EMC10: variants seen among roughly 807,000 people sequenced by gnomAD.
EMC10 encodes UPF0510 protein INM02.
Under a neutral mutation model 32.2 loss-of-function variants are expected in EMC10, and 40 were observed. The observed-to-expected ratio is 1.24, with a 90% CI of 0.96 to 1.61. The LOEUF (loss-of-function observed/expected upper bound fraction) is 1.61. Ranked by LOEUF, EMC10 falls within the 40% of genes most tolerant of loss-of-function variation. The probability of loss-of-function intolerance (pLI) is 0.00; values close to 1 mark genes in which losing one functional copy is unlikely to be tolerated. For missense variants in EMC10, 402 were observed against 357.7 expected (o/e 1.12, Z -1.00); for synonymous variants, 178 against 158.4 (o/e 1.12, Z -0.93).
At chr19:50,477,786 G>A (rs1033927718) in intron 1 of EMC10, 143 bp from the exon 2 acceptor site, 7 of 581,654 alleles carry the variant, frequency 1.2e-5, no homozygotes, top group East Asian at 3.3e-5. Flanking sequence ...GGTTTCTAGT[G>A]AAATAAAGGC....
chr19:50,477,840 C>T, intron 1 of EMC10, 89 bp from the exon 2 acceptor site: 1 of 996,840 alleles, frequency 1.0e-6, no homozygotes, highest in Non-Finnish European at 1.5e-6. Context: ...TCCCTCAGCC[C>T]ACCAGTCTGT....
At chr19:50,478,269 C>T (rs1420997216) in intron 2 of EMC10, among the ~76,000 whole-genome samples, 5 of 152,210 alleles carry the variant, frequency 3.3e-5, no homozygotes, top group Non-Finnish European at 7.3e-5. Flanking sequence ...ACGTGCCCAG[C>T]ATTAGCGGTT....
At chr19:50,478,895 C>A in intron 2 of EMC10, 62 bp from the exon 3 acceptor site, 2 of 1,350,216 alleles carry the variant, frequency 1.5e-6, no homozygotes, top group Non-Finnish European at 1.0e-6. Flanking sequence ...GACCTCCTGG[C>A]CCCTGCCTGG....
chr19:50,482,036 C>G, intron 6 of EMC10, 113 bp from the exon 7 acceptor site: 1 of 1,519,892 alleles, frequency 6.6e-7, no homozygotes, highest in Non-Finnish European at 9.1e-7. Flanking sequence ...CCTCCCCTTA[C>G]GCGACCTCCC....
chr19:50,485,130 A>C lies in EMC10; in HGVS notation c.*2871A>C, dbSNP rs2122671914. 1 of 152,314 alleles carries C rather than the reference A, an allele frequency of 6.6e-6. No individual in the cohort carries two copies. Among genetic ancestry groups the C allele is most frequent in the Middle Eastern group, 3.4e-3 (1 of 294 alleles). The allele number at this position is 152,314 out of a possible 1,614,324, so 9.4% of individuals were successfully genotyped here. ...TTTGAGTAGTTCTAAGCAGCACTGCAGGAGTCCCCCTGTTCTGCTGCATCA... is the reference window on the plus strand; with the variant it reads ...TTTGAGTAGTTCTAAGCAGCACTGCCGGAGTCCCCCTGTTCTGCTGCATCA... On this transcript the variant is annotated 3_prime_UTR_variant, in exon 7 of 7. Coordinates refer to ENST00000334976, the MANE Select transcript of EMC10 (RefSeq NM_206538.4).
chr19:50,481,334 G>A (rs188743783), intron 6 of EMC10: 48 of 255,780 alleles, frequency 1.9e-4, no homozygotes, highest in Middle Eastern at 1.1e-3. Context: ...AGGAAGGAGA[G>A]AGGAGTGGGT....
chr19:50,476,592 G>A lies in EMC10; in HGVS notation c.48G>A (p.Leu16=), dbSNP rs757598347. Residue 16 remains leucine (L), a synonymous_variant, in exon 1 of 7, where the codon CTG becomes CTA. Transcript: ENST00000334976. ...AGATRLLLLL[L]MAVAAPSRAR... Reference sequence around the variant, plus strand: ...CAACCCGGCTGCTCCTGCTCTTGCTGATGGCGGTAGCAGCGCCCAGTCGAG... The same window carrying A: ...CAACCCGGCTGCTCCTGCTCTTGCTAATGGCGGTAGCAGCGCCCAGTCGAG... 7.6e-6 allele frequency: 12 copies of A among 1,574,048 alleles called. No homozygotes were observed. In the East Asian group the frequency reaches 9.3e-5, roughly 12 times the overall value.
Position 50,482,331 on chromosome 19 carries a change from T to A in EMC10, c.*72T>A. 1.5e-6 allele frequency: 1 copy of A among 688,666 alleles called. No individual in the cohort carries two copies. Among genetic ancestry groups the A allele is most frequent in the Non-Finnish European group, 2.5e-6 (1 of 396,226 alleles). The allele number at this position is 688,666 out of a possible 1,614,324, so 42.7% of individuals were successfully genotyped here. ...CTTTCTGCTGGAGTCCCCTGTGTCCTCAGCCATCCCAAGAAGGGTTTGCTG... is the reference window on the plus strand; with the variant it reads ...CTTTCTGCTGGAGTCCCCTGTGTCCACAGCCATCCCAAGAAGGGTTTGCTG... On this transcript the variant is annotated 3_prime_UTR_variant, in exon 7 of 7. Transcript: ENST00000334976.
chr19:50,480,803 C>G lies in EMC10; in HGVS notation c.584+41C>G. ...CTTCGCGGCGCTCTTGCCACCTGCC[C>G]CGGCCCTTCCTGGCGGCCTCAGGGT... On this transcript the variant is annotated intron_variant, in intron 5 of 6. Transcript: ENST00000334976. This position sits in a 1 kb window ranked among gnomAD's most constrained non-coding sequence, Gnocchi z 4.4. 6.4e-7 allele frequency: 1 copy of G among 1,566,816 alleles called. No individual in the cohort carries two copies. The highest frequency in any genetic ancestry group is 8.7e-7 in the Non-Finnish European group (1 of 1,153,946).
rs76931778 is a variant in EMC10 at position 50,485,777 on chromosome 19, G to A, written c.*3518G>A. 788 of 138,242 alleles carry A rather than the reference G, an allele frequency of 5.7e-3. 4 individuals are homozygous for A. The highest frequency in any genetic ancestry group is 0.012 in the African/African-American group (421 of 36,328). The allele number at this position is 138,242 out of a possible 1,614,324, so 8.6% of individuals were successfully genotyped here. A position where few individuals can be genotyped will look rare whatever the true frequency, so the allele number is the denominator to read the frequency against. On this transcript the variant is annotated 3_prime_UTR_variant, in exon 7 of 7. Transcript: ENST00000334976. The stretch of plus-strand genomic sequence containing the variant: ...ACTACTCCCCTGCTCACAGCCCTCC[G>A]CGTGGCCTCTCACCTCCCCCAGGAT...
rs1273775407 is a variant in EMC10 at position 50,480,159 on chromosome 19, C to T, written c.346C>T (p.Pro116Ser). The T allele has an allele frequency of 6.2e-7, 1 of 1,613,756 alleles. No individual in the cohort carries two copies. The highest frequency in any genetic ancestry group is 1.3e-5 in the African/African-American group (1 of 75,058). ...GTACCGGGTCCGGATCCCAAGGCGA[C>T]CCGGGGCCCTGGATGGCCTGGAAGC... Reference protein sequence around the residue: ...GLYRVRIPRRPGALDGLEAGG... With the variant: ...GLYRVRIPRRSGALDGLEAGG... Residue 116 changes from proline to serine, a missense_variant, in exon 4 of 7, where the codon CCC becomes TCC. Transcript: ENST00000334976. The surrounding 1 kb of genome is among the most constrained non-coding windows in gnomAD (Gnocchi z 4.4).
chr19:50,481,030 T>G, intron 6 of EMC10, 53 bp downstream of exon 6: 1 of 1,442,386 alleles, frequency 6.9e-7, no homozygotes, highest in East Asian at 2.3e-5. Flanking sequence ...TCCCGGTGCC[T>G]GGCCAGGCCC....
At chr19:50,478,926 G>T in intron 2 of EMC10, 31 bp from the exon 3 acceptor site, 5 of 1,541,524 alleles carry the variant, frequency 3.2e-6, no homozygotes, top group Non-Finnish European at 4.4e-6. Flanking sequence ...GGGCGGGGGA[G>T]GGGGCGTCTC....
rs547519459 is a variant in EMC10 at position 50,485,138 on chromosome 19, C to T, written c.*2879C>T. The stretch of plus-strand genomic sequence containing the variant: ...GTTCTAAGCAGCACTGCAGGAGTCC[C>T]CCTGTTCTGCTGCATCATTTTGCAC... On this transcript the variant is annotated 3_prime_UTR_variant, in exon 7 of 7. Transcript: ENST00000334976. The T allele has an allele frequency of 5.9e-5, 9 of 152,170 alleles. No individual in the cohort carries two copies. The highest frequency in any genetic ancestry group is 1.4e-4 in the African/African-American group (6 of 41,416). 9.4% of individuals were successfully genotyped at this position (152,170 alleles called of 1,614,324 possible). A position where few individuals can be genotyped will look rare whatever the true frequency, so the allele number is the denominator to read the frequency against.
intron 6 of EMC10, 91 bp downstream of exon 6, chr19:50,481,068 G>C: frequency 1.0e-6 from 1 of 990,356 alleles, no homozygotes; most frequent in Non-Finnish European, 1.5e-6. Context: ...ACTCCCCTAT[G>C]GTGCTCGGGC....
At chr19:50,477,412 AAAT>A (rs1323129367) in intron 1 of EMC10, among the ~76,000 whole-genome samples, 22 of 152,332 alleles carry the variant, frequency 1.4e-4, no homozygotes, top group South Asian at 6.2e-4. Flanking sequence ...CAGAAAAAGA[AAAT>A]AAGGCGTGGG....
Position 50,488,337 on chromosome 19 carries a change from GGAGGGGA to G in EMC10, c.*6082_*6088del, listed in dbSNP as rs1206425644. On this transcript the variant is annotated 3_prime_UTR_variant, in exon 7 of 7. Coordinates refer to ENST00000334976, the MANE Select transcript of EMC10 (RefSeq NM_206538.4). The stretch of plus-strand genomic sequence containing the variant: ...AAAAAAAGAAAAGATGGCCAGAGCA[GGAGGGGA>G]GAGAGGAAGAGGGAGAAAGAAGGAA... 6.7e-6 allele frequency: 1 copy of G among 148,546 alleles called. No homozygotes were observed. Among genetic ancestry groups the G allele is most frequent in the Non-Finnish European group, 1.5e-5 (1 of 67,310 alleles). 9.2% of individuals were successfully genotyped at this position (148,546 alleles called of 1,614,324 possible). A position where few individuals can be genotyped will look rare whatever the true frequency, so the allele number is the denominator to read the frequency against.
chr19:50,480,270 C>A lies in EMC10; in HGVS notation c.402+55C>A. 1 of 1,508,290 alleles carries A rather than the reference C, an allele frequency of 6.6e-7. No homozygotes were observed. The highest frequency in any genetic ancestry group is 1.2e-5 in the South Asian group (1 of 84,756). The allele number at this position is 1,508,290 out of a possible 1,614,324, so 93.4% of individuals were successfully genotyped here. On this transcript the variant is annotated intron_variant, in intron 4 of 6. Transcript: ENST00000334976. This position sits in a 1 kb window ranked among gnomAD's most constrained non-coding sequence, Gnocchi z 4.4. ...CTCCCTCGTCCTCCTCATCCCCTAC[C>A]CTGGTCCTGCTTCCACCATTCGAAC...
intron 6 of EMC10, 193 bp from the exon 7 acceptor site, chr19:50,481,956 C>T (rs375346309): frequency 1.3e-5 from 21 of 1,607,766 alleles, no homozygotes; most frequent in Admixed American, 1.7e-5. Context: ...GAGTGAGGAC[C>T]GAGACCCCTG....
Sources: gnomAD v4.1 joint callset for allele counts (sites outside exome capture counted in the v4.1 genomes callset) on GRCh38, gnomAD v4.1.1 for gene constraint, Gnocchi (gnomAD v3.1) non-coding constraint, MANE v1.5 for transcripts, NCBI Gene and HGNC (gene_info 2026-07-23, HGNC 2026-07-21) for gene names.